Variants in SLC22A8 observed in about 807,000 individuals in gnomAD.
SLC22A8 encodes solute carrier family 22 member 8.
In SLC22A8, 40 loss-of-function variants were observed where a neutral mutation model predicts 48.4. The ratio of observed to expected loss-of-function variants is 0.83; its 90% CI spans 0.64 to 1.08. SLC22A8 has a LOEUF of 1.08. Among genes scored for constraint, SLC22A8 ranks in the 50% least tolerant of loss-of-function variants. SLC22A8 has a pLI of 0.00. For synonymous variants in SLC22A8, 268 were observed against 286.3 expected (o/e 0.94, Z 0.65); for missense variants, 606 against 699.0 (o/e 0.87, Z 1.50).
In SLC22A8 at chr11:62,999,040, G is replaced by T. The variant is rs768414272; in HGVS notation, c.642C>A (p.Leu214=). The T allele has an allele frequency of 3.1e-6, 5 of 1,614,146 alleles. No homozygotes were observed. The highest frequency in any genetic ancestry group is 1.7e-5 in the Admixed American group (1 of 60,036). ...ACTGGCCAAAGGTGTAGCAGTACCCGAGTGCTGTCGACATGATGGCCCGCA... is the reference window on the plus strand; with the variant it reads ...ACTGGCCAAAGGTGTAGCAGTACCCTAGTGCTGTCGACATGATGGCCCGCA... The part of the protein sequence containing the change: ...TRMRAIMSTA[L]GYCYTFGQFI... The change falls in exon 5 of 11, where the codon CTC becomes CTA. Residue 214 remains leucine (L), a synonymous_variant. Transcript: ENST00000336232.
chr11:63,002,951 T>G (rs2086514750), intron 2 of SLC22A8, among the ~76,000 whole-genome samples: 1 of 152,230 alleles, frequency 6.6e-6, no homozygotes, highest in South Asian at 2.1e-4. Flanking sequence ...AGCAACCTCT[T>G]GACAGGTCTA....
chr11:63,010,942 C>G (rs1251537728), intron 2 of SLC22A8, among the ~76,000 whole-genome samples: 1 of 152,212 alleles, frequency 6.6e-6, no homozygotes, highest in African/African-American at 2.4e-5. Flanking sequence ...TCCCGTCTGT[C>G]TCTCCCGCCA....
At position 63,008,794 on chromosome 11, in the gene SLC22A8, A is replaced by G. The variant is rs2086584678; in HGVS notation, c.333+5832T>C. 2.0e-5 allele frequency among the ~76,000 whole-genome samples: 3 copies of G among 152,172 alleles called. No homozygotes were observed. In the South Asian group the frequency reaches 6.2e-4, roughly 32 times the overall value. On this transcript the variant is annotated intron_variant, in intron 2 of 10. Transcript: ENST00000336232. ...CCTCCCAACACCCCCCGTCTTCTGT[A>G]AAAGCTTGACCCACCATCATGTCTG...
At position 62,993,424 on chromosome 11, in the gene SLC22A8, C is replaced by A; in HGVS notation, c.1529G>T (p.Trp510Leu). 1 of 1,614,092 alleles carries A rather than the reference C, an allele frequency of 6.2e-7. No individual in the cohort carries two copies. ...GATGGGGCCAGAGGCAGTGACTGACCAGTTTTCCAGGTCTTCGATAGTCTC... is the reference window on the plus strand; with the variant it reads ...GATGGGGCCAGAGGCAGTGACTGACAAGTTTTCCAGGTCTTCGATAGTCTC... ...LPETIEDLEN[W>L]SLRAKKPKQE... Residue 510 changes from tryptophan to leucine, a missense_variant and splice_region_variant, in exon 10 of 11, where the codon TGG becomes TTG. Trp to Leu is a moderately conservative substitution (Grantham distance 61, BLOSUM62 -2). Coordinates refer to ENST00000336232, the MANE Select transcript of SLC22A8 (RefSeq NM_004254.4).
intron 2 of SLC22A8, among the ~76,000 whole-genome samples, chr11:63,002,439 A>G (rs960546391): frequency 6.6e-6 from 1 of 152,158 alleles, no homozygotes; most frequent in Non-Finnish European, 1.5e-5. Context: ...TCTTGACTGT[A>G]GCCATCATGC....
chr11:62,993,699 G>A (rs535601398), intron 9 of SLC22A8, 71 bp downstream of exon 9: 12 of 1,597,758 alleles, frequency 7.5e-6, no homozygotes, highest in African/African-American at 5.4e-5. Context: ...CTGGGTAGAG[G>A]ACAGGACAAT....
At chr11:62,996,008 A>T in intron 6 of SLC22A8, 21 bp downstream of exon 6, 2 of 1,614,010 alleles carry the variant, frequency 1.2e-6, no homozygotes, top group Non-Finnish European at 1.7e-6. Context: ...CTGCTCCCAG[A>T]CTATAGTCCT....
intron 9 of SLC22A8, 30 bp from the exon 10 acceptor site, chr11:62,993,657 C>A (rs11568484): frequency 0.012 from 18,580 of 1,601,946 alleles, 166 homozygotes; most frequent in Middle Eastern, 0.028. Flanking sequence ...GGATTGGTAG[C>A]CTGTGTGTGG....
chr11:62,995,149 C>T (rs2135117116), intron 7 of SLC22A8: 2 of 314,242 alleles, frequency 6.4e-6, no homozygotes, highest in South Asian at 7.2e-5. Context: ...GTTTCCCTTC[C>T]TCTCTCTGAA....
intron 2 of SLC22A8, among the ~76,000 whole-genome samples, chr11:63,003,292 A>G (rs1323656060): frequency 6.6e-6 from 1 of 152,226 alleles, no homozygotes; most frequent in Non-Finnish European, 1.5e-5. Flanking sequence ...GTGAAGAACC[A>G]AACATTCCAG....
At chr11:63,008,460 G>C (rs1256724876) in intron 2 of SLC22A8, among the ~76,000 whole-genome samples, 3 of 152,168 alleles carry the variant, frequency 2.0e-5, no homozygotes, top group Non-Finnish European at 4.4e-5. Flanking sequence ...GTATCTTGGG[G>C]ACAGTCAAAA....
At position 62,997,652 on chromosome 11, in the gene SLC22A8, C is replaced by T. The variant is rs115469167; in HGVS notation, c.761+1269G>A. Among the ~76,000 whole-genome samples the T allele has an allele frequency of 4.0e-3, 616 of 152,346 alleles. 4 individuals carry two copies. Among genetic ancestry groups the T allele is most frequent in the African/African-American group, 0.012 (516 of 41,576 alleles). The stretch of plus-strand genomic sequence containing the variant: ...TGCCTCCTGACTCTGAGTGCTCTCA[C>T]GCCTAGGTTGCCCATCCCCTCTGGG... On this transcript the variant is annotated intron_variant, in intron 5 of 10. Transcript: ENST00000336232.
At chr11:62,994,989 G>A in intron 7 of SLC22A8, 1 of 569,764 alleles carries the variant, frequency 1.8e-6, no homozygotes, top group Non-Finnish European at 3.2e-6. Context: ...GGGTGTGGTG[G>A]CAAAGGTGCC....
rs1260247773 is a variant in SLC22A8 at position 63,003,912 on chromosome 11, A to G, written c.334-3089T>C. Among the ~76,000 whole-genome samples, 3 of 152,218 alleles carry G rather than the reference A, an allele frequency of 2.0e-5. No individual in the cohort carries two copies. In the East Asian group the frequency reaches 5.8e-4, roughly 29 times the overall value. On this transcript the variant is annotated intron_variant, in intron 2 of 10. Coordinates refer to ENST00000336232, the MANE Select transcript of SLC22A8 (RefSeq NM_004254.4). ...ATGCTACTCACCTTGGAACTGTTACATGAGAAAGAGAAACACTTCAATATT... is the reference window on the plus strand; with the variant it reads ...ATGCTACTCACCTTGGAACTGTTACGTGAGAAAGAGAAACACTTCAATATT...
chr11:62,996,464 G>T (rs540462182), intron 5 of SLC22A8, among the ~76,000 whole-genome samples: 23 of 152,312 alleles, frequency 1.5e-4, no homozygotes, highest in African/African-American at 5.3e-4. Context: ...GGTGGGGCTG[G>T]GGGAGGGGAT....
Position 63,014,788 on chromosome 11 carries a change from T to C in SLC22A8, c.171A>G (p.Thr57=), listed in dbSNP as rs1205496110. 3.1e-6 allele frequency: 5 copies of C among 1,612,988 alleles called. No individual in the cohort carries two copies. In the Admixed American group the frequency reaches 6.7e-5, roughly 22 times the overall value. ...GGCCCATGGGGAGCACCCAAGGCCC[T>C]GTGGAGGCATTGTGGGGCGGGCGAC... ...HHCRPPHNAS[T]GPWVLPMGPN... The change falls in exon 2 of 11, where the codon ACA becomes ACG. Residue 57 remains threonine (T), a synonymous_variant. Transcript: ENST00000336232.
chr11:62,998,816 C>G (rs2086454486), intron 5 of SLC22A8, 105 bp downstream of exon 5: 3 of 961,356 alleles, frequency 3.1e-6, no homozygotes, highest in Middle Eastern at 2.3e-4. Flanking sequence ...GACTCTGGGA[C>G]TGGGTGCCCG....
chr11:63,009,002 C>T (rs867788536), intron 2 of SLC22A8, among the ~76,000 whole-genome samples: 18 of 152,200 alleles, frequency 1.2e-4, no homozygotes, highest in African/African-American at 3.1e-4. Context: ...CCTCCTCCTG[C>T]GCACATAATC....
chr11:63,008,455 T>C (rs1195125386), intron 2 of SLC22A8, among the ~76,000 whole-genome samples: 6 of 152,156 alleles, frequency 3.9e-5, no homozygotes, highest in Non-Finnish European at 7.4e-5. Context: ...GCCAGGTATC[T>C]TGGGGACAGT....
Sources: allele counts gnomAD v4.1 joint callset (sites outside exome capture counted in the v4.1 genomes callset), GRCh38; gene constraint gnomAD v4.1.1; transcripts MANE v1.5; gene names NCBI Gene and HGNC (gene_info 2026-07-23, HGNC 2026-07-21).